The following SNX25 variants were observed in gnomAD, a reference collection of about 807,000 sequenced individuals.
SNX25 encodes sorting nexin-25.
A neutral mutation model predicts 113.7 loss-of-function variants in SNX25; 62 were observed. The ratio of observed to expected loss-of-function variants is 0.55; its 90% CI spans 0.44 to 0.67. SNX25 has a LOEUF of 0.67. Ranked by LOEUF, SNX25 falls within the 30% of genes least tolerant of loss-of-function variation. The pLI, the probability that SNX25 is intolerant of heterozygous loss-of-function variation, is 0.00. For synonymous variants in SNX25, 421 were observed against 436.2 expected (o/e 0.97, Z 0.43); for missense variants, 1,014 against 1,161.0 (o/e 0.87, Z 1.84).
At chr4:185,255,460 T>C (rs931727623) in intron 2 of SNX25, among the ~76,000 whole-genome samples, 2 of 152,158 alleles carry the variant, frequency 1.3e-5, no homozygotes, top group Non-Finnish European at 2.9e-5. Context: ...AAGTTATGTA[T>C]AGTTTTTTGA....
intron 2 of SNX25, among the ~76,000 whole-genome samples, chr4:185,253,378 A>G (rs1180213333): frequency 6.6e-6 from 1 of 152,066 alleles, no homozygotes; most frequent in Non-Finnish European, 1.5e-5. Context: ...AAAAAAACCC[A>G]CTGTCTGAAT....
At chr4:185,285,281 T>G (rs1227340508) in intron 5 of SNX25, among the ~76,000 whole-genome samples, 2 of 152,218 alleles carry the variant, frequency 1.3e-5, no homozygotes, top group African/African-American at 4.8e-5. Flanking sequence ...ATGCTTTCTG[T>G]TTAATCTGAT....
rs186030147 is a variant in SNX25 at position 185,217,963 on chromosome 4, C to G, written c.429+7708C>G. On this transcript the variant is annotated intron_variant, in intron 1 of 18. Transcript: ENST00000652585. ...TCACTGCTGTAGGTCACCTATGCCA[C>G]CTAGGTTGCTTGGTTGAATGGGGAT... is the stretch of plus-strand genomic sequence containing the variant. Among the ~76,000 whole-genome samples, 276 of 152,264 alleles carry G rather than the reference C, an allele frequency of 1.8e-3. 3 individuals carry two copies. Among genetic ancestry groups the G allele is most frequent in the African/African-American group, 6.3e-3 (260 of 41,540 alleles).
At chr4:185,320,675 A>T in intron 7 of SNX25, 58 bp from the exon 8 acceptor site, 1 of 1,344,510 alleles carries the variant, frequency 7.4e-7, no homozygotes, top group African/African-American at 1.5e-5. Flanking sequence ...TGGAAGTTAA[A>T]GCAAACTGAC....
chr4:185,216,418 A>G (rs1353010271), intron 1 of SNX25, among the ~76,000 whole-genome samples: 2 of 152,164 alleles, frequency 1.3e-5, no homozygotes, highest in Non-Finnish European at 2.9e-5. Flanking sequence ...GAATAGTGAT[A>G]ACTTCAAAGT....
At chr4:185,350,146 G>A (rs929498976) in intron 13 of SNX25, among the ~76,000 whole-genome samples, 2 of 144,460 alleles carry the variant, frequency 1.4e-5, no homozygotes, top group South Asian at 4.7e-4. Context: ...GTGTTCCGTG[G>A]ACCCCTTGTC....
chr4:185,238,021 C>T (rs1207528933), intron 1 of SNX25, among the ~76,000 whole-genome samples: 1 of 142,672 alleles, frequency 7.0e-6, no homozygotes, highest in African/African-American at 2.6e-5. Flanking sequence ...CGAGATCACA[C>T]CACTGCACTC....
chr4:185,277,316 C>T (rs770201426), intron 5 of SNX25, among the ~76,000 whole-genome samples: 39 of 152,318 alleles, frequency 2.6e-4, no homozygotes, highest in Admixed American at 5.9e-4. Context: ...AACCACTGAA[C>T]CTGGGCCATC....
At chr4:185,375,674 T>G in the SNX25 span, 1 of 1,612,356 alleles carries the variant, frequency 6.2e-7, no homozygotes, top group East Asian at 2.2e-5. Context: ...AGTTGCTTGA[T>G]GGTCTTTCTC....
intron 1 of SNX25, among the ~76,000 whole-genome samples, chr4:185,239,356 A>G (rs372223737): frequency 0.041 from 6,183 of 151,782 alleles, 177 homozygotes; most frequent in Non-Finnish European, 0.064. Flanking sequence ...GGTGGTGGGC[A>G]CCTGTAGTCC....
intron 3 of SNX25, among the ~76,000 whole-genome samples, chr4:185,260,650 A>T (rs1406905731): frequency 6.6e-6 from 1 of 152,228 alleles, no homozygotes; most frequent in Non-Finnish European, 1.5e-5. Context: ...TAGCCACGGG[A>T]GTGATGATGC....
downstream of SNX25, among the ~76,000 whole-genome samples, chr4:185,371,632 A>G (rs930815492): frequency 2.6e-5 from 4 of 151,902 alleles, no homozygotes; most frequent in Non-Finnish European, 4.4e-5. Context: ...AATGTGATCC[A>G]GTCAACTCCA....
At chr4:185,358,500 T>C (rs935483296) in intron 16 of SNX25, among the ~76,000 whole-genome samples, 3 of 152,250 alleles carry the variant, frequency 2.0e-5, no homozygotes, top group Non-Finnish European at 2.9e-5. Flanking sequence ...CAAAGTCATG[T>C]AGCCAATAGA....
chr4:185,223,578 G>C (rs183489422), intron 1 of SNX25, among the ~76,000 whole-genome samples: 2 of 152,196 alleles, frequency 1.3e-5, no homozygotes, highest in African/African-American at 4.8e-5. Context: ...GAGAAGGGTA[G>C]GACCATCCTG....
downstream of SNX25, among the ~76,000 whole-genome samples, chr4:185,368,352 G>A (rs138520151): frequency 2.7e-3 from 418 of 152,162 alleles, 1 homozygote; most frequent in Admixed American, 3.9e-3. Context: ...TGGGTCTGTC[G>A]CCTCCAGGTC....
At position 185,257,421 on chromosome 4, in the gene SNX25, A is replaced by G. The variant is rs567272111; in HGVS notation, c.515-1427A>G. ...TGCTGTCCAACACGGTAACCACTAG[A>G]CAGCGGCTATAGAGCACCCCAAATG... is the stretch of plus-strand genomic sequence containing the variant. On this transcript the variant is annotated intron_variant, in intron 2 of 18. Transcript: ENST00000652585. Among the ~76,000 whole-genome samples, 24 of 152,310 alleles carry G rather than the reference A, an allele frequency of 1.6e-4. No individual in the cohort carries two copies. The East Asian group carries it at 3.1e-3, about 20-fold the overall frequency.
intron 1 of SNX25, among the ~76,000 whole-genome samples, chr4:185,240,622 C>T (rs1179728691): frequency 1.6e-4 from 24 of 150,544 alleles, no homozygotes; most frequent in Admixed American, 7.2e-4. Flanking sequence ...CCTCACCTCC[C>T]GGACGGAGCG....
At chr4:185,348,220 G>A (rs1471842286) in intron 13 of SNX25, among the ~76,000 whole-genome samples, 1 of 152,078 alleles carries the variant, frequency 6.6e-6, no homozygotes, top group Non-Finnish European at 1.5e-5. Context: ...GTTCTCAGAG[G>A]CATGGAACTT....
upstream of SNX25, among the ~76,000 whole-genome samples, chr4:185,204,796 T>TG (rs1737114896): frequency 6.6e-6 from 1 of 152,176 alleles, no homozygotes; most frequent in Admixed American, 6.5e-5. Context: ...TCAGAGGCAA[T>TG]GAGCCAAGGA....
Sources: allele counts gnomAD v4.1 joint callset (sites outside exome capture counted in the v4.1 genomes callset), GRCh38; gene constraint gnomAD v4.1.1; transcripts MANE v1.5; gene names NCBI Gene and HGNC (gene_info 2026-07-23, HGNC 2026-07-21).